GALNTL6: variants seen among roughly 807,000 people sequenced by gnomAD.
GALNTL6 encodes the protein polypeptide N-acetylgalactosaminyltransferase-like 6.
GALNTL6 carries 46 observed loss-of-function variants against 73.7 expected under a neutral mutation model. That is an observed-to-expected ratio of 0.62 (90% CI 0.49 to 0.80). The LOEUF (loss-of-function observed/expected upper bound fraction) is 0.80. GALNTL6 is among the 30% of genes least tolerant of loss of function. The probability of loss-of-function intolerance (pLI) is 0.00; values close to 1 mark genes in which losing one functional copy is unlikely to be tolerated. For missense variants in GALNTL6, 604 were observed against 755.0 expected (o/e 0.80, Z 2.34); for synonymous variants, 259 against 263.7 (o/e 0.98, Z 0.17).
intron 7 of GALNTL6, among the ~76,000 whole-genome samples, chr4:172,880,826 T>G (rs1030732394): frequency 1.3e-5 from 2 of 152,182 alleles, no homozygotes; most frequent in African/African-American, 4.8e-5. Context: ...CCATTTGAAT[T>G]TATGTTATTA....
chr4:172,879,343 T>C (rs1745342745), intron 7 of GALNTL6, among the ~76,000 whole-genome samples: 1 of 151,872 alleles, frequency 6.6e-6, no homozygotes, highest in Non-Finnish European at 1.5e-5. Context: ...CAAATACACA[T>C]GGAACATTTA....
chr4:172,579,435 C>A (rs1249527559), intron 5 of GALNTL6, among the ~76,000 whole-genome samples: 1 of 152,092 alleles, frequency 6.6e-6, no homozygotes, highest in Non-Finnish European at 1.5e-5. Flanking sequence ...GTAAAGTAAG[C>A]CTTCCACATA....
intron 5 of GALNTL6, among the ~76,000 whole-genome samples, chr4:172,405,809 A>G (rs573685626): frequency 6.6e-6 from 1 of 151,978 alleles, no homozygotes. Flanking sequence ...TTATCCTAAC[A>G]TGAAACTTTA....
At chr4:172,176,350 A>AAAAAAAAAAAAAAAAAAT (rs1276256711) in intron 2 of GALNTL6, among the ~76,000 whole-genome samples, 1 of 149,096 alleles carries the variant, frequency 6.7e-6, no homozygotes, top group African/African-American at 2.5e-5. Flanking sequence ...AAAAAAAAAA[A>AAAAAAAAAAAAAAAAAAT]AAAAAAGAGT....
intron 5 of GALNTL6, among the ~76,000 whole-genome samples, chr4:172,751,187 G>C (rs562614643): frequency 6.6e-6 from 1 of 152,318 alleles, no homozygotes; most frequent in South Asian, 2.1e-4. Flanking sequence ...CACTGAGAAT[G>C]AAACAGGAGA....
chr4:172,999,289 C>T (rs926122280), intron 10 of GALNTL6, among the ~76,000 whole-genome samples: 1 of 152,090 alleles, frequency 6.6e-6, no homozygotes, highest in African/African-American at 2.4e-5. Flanking sequence ...TCTCTTCCAC[C>T]CCACCCCACA....
At chr4:172,687,619 C>T (rs929322281) in intron 5 of GALNTL6, among the ~76,000 whole-genome samples, 1 of 86,144 alleles carries the variant, frequency 1.2e-5, no homozygotes, top group Non-Finnish European at 2.6e-5. Context: ...CAAGGCAAGA[C>T]TGTCTCAAAA....
intron 2 of GALNTL6, among the ~76,000 whole-genome samples, chr4:171,895,289 G>A (rs1736875412): frequency 1.3e-5 from 2 of 152,170 alleles, no homozygotes; most frequent in Admixed American, 1.3e-4. Flanking sequence ...ACTGTTAGCA[G>A]TCATAGATGA....
intron 5 of GALNTL6, among the ~76,000 whole-genome samples, chr4:172,704,102 T>C (rs912581937): frequency 1.3e-5 from 2 of 151,986 alleles, no homozygotes; most frequent in African/African-American, 4.8e-5. Context: ...CTTAGTACTC[T>C]AGCTAAAAGT....
At chr4:172,130,533 T>G (rs2111016954) in intron 2 of GALNTL6, among the ~76,000 whole-genome samples, 1 of 152,130 alleles carries the variant, frequency 6.6e-6, no homozygotes, top group South Asian at 2.1e-4. Flanking sequence ...TGTAAAATAT[T>G]TTCTTTCTAC....
At chr4:171,822,079 A>G (rs1734700871) in intron 2 of GALNTL6, among the ~76,000 whole-genome samples, 1 of 152,188 alleles carries the variant, frequency 6.6e-6, no homozygotes, top group African/African-American at 2.4e-5. Context: ...ATGAGTCAAT[A>G]TAAGCATTTT....
intron 3 of GALNTL6, among the ~76,000 whole-genome samples, chr4:172,259,920 G>A (rs1262950413): frequency 6.6e-6 from 1 of 151,592 alleles, no homozygotes; most frequent in African/African-American, 2.4e-5. Context: ...TTGGCTGTAA[G>A]TGTTTGGGTT....
chr4:172,876,697 G>T (rs557741268), intron 7 of GALNTL6, among the ~76,000 whole-genome samples: 46 of 152,142 alleles, frequency 3.0e-4, no homozygotes, highest in African/African-American at 7.5e-4. Context: ...TATAAAAAAT[G>T]GTAATTTCTA....
chr4:173,013,457 G>A (rs1752640821), intron 11 of GALNTL6, among the ~76,000 whole-genome samples: 1 of 151,908 alleles, frequency 6.6e-6, no homozygotes, highest in Non-Finnish European at 1.5e-5. Context: ...AATCTTCTCT[G>A]GCCTGCAGAT....
At chr4:171,987,558 C>T (rs994454981) in intron 2 of GALNTL6, among the ~76,000 whole-genome samples, 5 of 152,106 alleles carry the variant, frequency 3.3e-5, no homozygotes, top group Non-Finnish European at 2.9e-5. Context: ...CAGTCCTGGG[C>T]GGGGGCAAAT....
chr4:172,808,463 C>T (rs192438366), intron 5 of GALNTL6, among the ~76,000 whole-genome samples: 29 of 152,280 alleles, frequency 1.9e-4, no homozygotes, highest in Admixed American at 1.5e-3. Flanking sequence ...TAAGATTCCA[C>T]TTCAATGAAT....
chr4:172,009,993 A>C (rs758910206), intron 2 of GALNTL6, among the ~76,000 whole-genome samples: 6 of 152,158 alleles, frequency 3.9e-5, no homozygotes, highest in Non-Finnish European at 8.8e-5. Flanking sequence ...AGAACAATCA[A>C]CACAATTAGG....
At chr4:172,638,883 A>T (rs1739827046) in intron 5 of GALNTL6, among the ~76,000 whole-genome samples, 1 of 152,126 alleles carries the variant, frequency 6.6e-6, no homozygotes, top group Non-Finnish European at 1.5e-5. Context: ...ACTTTTGAAG[A>T]GTACTGACCA....
intron 5 of GALNTL6, among the ~76,000 whole-genome samples, chr4:172,443,201 T>C (rs1731903481): frequency 7.0e-6 from 1 of 141,848 alleles, no homozygotes; most frequent in South Asian, 2.3e-4. Context: ...GTTTCACTCT[T>C]GTCCCCCAGG....
Sources: gnomAD v4.1 joint callset for allele counts (sites outside exome capture counted in the v4.1 genomes callset) on GRCh38, gnomAD v4.1.1 for gene constraint, MANE v1.5 for transcripts, NCBI Gene and HGNC (gene_info 2026-07-23, HGNC 2026-07-21) for gene names.